FHDC1: variants seen among roughly 807,000 people sequenced by gnomAD.
The protein encoded by FHDC1 is FH2 domain-containing protein 1.
Under a neutral mutation model 52.6 loss-of-function variants are expected in FHDC1, and 25 were observed. The ratio of observed to expected loss-of-function variants is 0.48; its 90% CI spans 0.35 to 0.66. The LOEUF is 0.66. Among genes scored for constraint, FHDC1 ranks in the 30% least tolerant of loss-of-function variants. The probability of loss-of-function intolerance (pLI) is 0.01; values close to 1 mark genes in which losing one functional copy is unlikely to be tolerated. For synonymous variants in FHDC1, 616 were observed against 581.5 expected (o/e 1.06, Z -0.85); for missense variants, 1,459 against 1,452.8 (o/e 1.00, Z -0.07).
At chr4:152,952,185 G>A (rs1178234824) in intron 2 of FHDC1, among the ~76,000 whole-genome samples, 1 of 152,140 alleles carries the variant, frequency 6.6e-6, no homozygotes, top group Non-Finnish European at 1.5e-5. Context: ...CTTTTTGAAT[G>A]AAATGAAATT....
the FHDC1 span, among the ~76,000 whole-genome samples, chr4:152,923,463 C>G: frequency 2.0e-5 from 3 of 152,164 alleles, no homozygotes; most frequent in South Asian, 6.2e-4. Context: ...AGTGCCATCC[C>G]CATCAAGCTA....
chr4:152,920,349 T>C, the FHDC1 span, among the ~76,000 whole-genome samples: 1 of 152,154 alleles, frequency 6.6e-6, no homozygotes, highest in African/African-American at 2.4e-5. Flanking sequence ...GTGTCTTCCT[T>C]GGTTATCTCA....
chr4:152,920,481 T>C, the FHDC1 span, among the ~76,000 whole-genome samples: 7 of 152,332 alleles, frequency 4.6e-5, no homozygotes, highest in South Asian at 1.4e-3. Context: ...TTGAATTAGT[T>C]AGACATAGGA....
At chr4:152,928,769 T>C in the FHDC1 span, among the ~76,000 whole-genome samples, 28 of 152,196 alleles carry the variant, frequency 1.8e-4, 1 homozygote, top group Admixed American at 1.6e-3. Flanking sequence ...AAACGTCATC[T>C]GCTGGGGGTG....
chr4:152,931,952 A>T (rs1739260614), upstream of FHDC1, among the ~76,000 whole-genome samples: 5 of 151,030 alleles, frequency 3.3e-5, no homozygotes, highest in Admixed American at 3.3e-4. Flanking sequence ...AAAAAAAAAA[A>T]AAAAAAAAAA....
At chr4:152,920,763 A>T in the FHDC1 span, among the ~76,000 whole-genome samples, 1 of 152,140 alleles carries the variant, frequency 6.6e-6, no homozygotes, top group African/African-American at 2.4e-5. Flanking sequence ...TTAAAAAAAT[A>T]AAAATCTCTT....
chr4:152,920,696 T>A, the FHDC1 span, among the ~76,000 whole-genome samples: 4 of 152,062 alleles, frequency 2.6e-5, no homozygotes, highest in African/African-American at 9.7e-5. Flanking sequence ...TTTAAGCCTT[T>A]AAAATGAGGA....
intron 1 of FHDC1, 77 bp from the exon 2 acceptor site, chr4:152,942,851 A>C: frequency 1.7e-6 from 1 of 573,214 alleles, no homozygotes; most frequent in Admixed American, 3.4e-5. Flanking sequence ...GGGAGGATTG[A>C]TACTAGCCTC....
At chr4:152,919,037 C>A in the FHDC1 span, among the ~76,000 whole-genome samples, 2 of 152,252 alleles carry the variant, frequency 1.3e-5, no homozygotes, top group Non-Finnish European at 2.9e-5. Flanking sequence ...CTGTTTTGAA[C>A]ATGTTTGTAG....
the FHDC1 span, among the ~76,000 whole-genome samples, chr4:152,916,452 AAGG>A: frequency 2.6e-5 from 4 of 152,168 alleles, no homozygotes; most frequent in Non-Finnish European, 5.9e-5. Flanking sequence ...GGAAGAGAAA[AAGG>A]AGAGAAAGAT....
the FHDC1 span, among the ~76,000 whole-genome samples, chr4:152,923,459 A>G: frequency 1.3e-5 from 2 of 152,208 alleles, no homozygotes; most frequent in Non-Finnish European, 2.9e-5. Context: ...ATTCAGTGCC[A>G]TCCCCATCAA....
the FHDC1 span, among the ~76,000 whole-genome samples, chr4:152,914,491 T>C: frequency 6.6e-6 from 1 of 152,322 alleles, no homozygotes; most frequent in East Asian, 1.9e-4. Context: ...AACTCTACTC[T>C]TGTGCAGTTA....
chr4:152,976,410 T>A lies in FHDC1; in HGVS notation c.3119T>A (p.Val1040Glu), dbSNP rs1740886328. 6.2e-7 allele frequency: 1 copy of A among 1,613,590 alleles called. No homozygotes were observed. Among genetic ancestry groups the A allele is most frequent in the Non-Finnish European group, 8.5e-7 (1 of 1,180,016 alleles). ...GTCCCGAGCTTTGCCCGGAACACAG[T>A]GGCCTCCTCCTCTCGAAGCATGAGA... ...PRVPSFARNT[V>E]ASSSRSMRTD... Residue 1040 changes from valine (V) to glutamate (E), a missense_variant, in exon 12 of 12, where the codon GTG becomes GAG. Around this residue, in one of 3 missense-constraint regions of FHDC1, gnomAD observed 939 missense variants for 854.5 expected, o/e 1.10. Coordinates refer to ENST00000511601, the MANE Select transcript of FHDC1 (RefSeq NM_001371116.1).
the FHDC1 span, chr4:152,918,524 C>T: frequency 6.6e-6 from 1 of 152,246 alleles, no homozygotes; most frequent in East Asian, 1.9e-4. Context: ...GCATCCCCAT[C>T]TCTTTGGCGT....
the FHDC1 span, among the ~76,000 whole-genome samples, chr4:152,920,677 A>G: frequency 2.0e-5 from 3 of 152,196 alleles, no homozygotes; most frequent in African/African-American, 7.2e-5. Flanking sequence ...TGAAGGATAG[A>G]GTTATCATTT....
At chr4:152,931,504 A>G (rs1204602041), upstream of FHDC1, among the ~76,000 whole-genome samples, 10 of 138,906 alleles carry the variant, frequency 7.2e-5, no homozygotes, top group Admixed American at 7.3e-4. Context: ...ACACACACAC[A>G]CACGAAAAAC....
At chr4:152,974,485 TAC>T (rs148342777) in intron 11 of FHDC1, among the ~76,000 whole-genome samples, 188 bp from the exon 12 acceptor site, 1 of 151,820 alleles carries the variant, frequency 6.6e-6, no homozygotes, top group South Asian at 2.1e-4. Flanking sequence ...ACCCTCCCTC[TAC>T]ACACACACAC....
chr4:152,931,634 A>C (rs925676232), upstream of FHDC1, among the ~76,000 whole-genome samples: 1 of 152,108 alleles, frequency 6.6e-6, no homozygotes, highest in Non-Finnish European at 1.5e-5. Context: ...AATCTCTCCT[A>C]CCTTCAAACA....
the FHDC1 span, among the ~76,000 whole-genome samples, chr4:152,930,015 T>C: frequency 7.2e-5 from 11 of 152,246 alleles, no homozygotes; most frequent in African/African-American, 2.7e-4. Context: ...TAAACTGTCC[T>C]ATGCTTAGCT....
Sources: gnomAD v4.1 joint callset for allele counts (sites outside exome capture counted in the v4.1 genomes callset) on GRCh38, gnomAD v4.1.1 for gene constraint, gnomAD v4.1.1 regional missense constraint, MANE v1.5 for transcripts, NCBI Gene and HGNC (gene_info 2026-07-23, HGNC 2026-07-21) for gene names.